CCDC171: variants seen among roughly 807,000 people sequenced by gnomAD.
The protein encoded by CCDC171 is coiled-coil domain containing 171, also known as coiled-coil domain-containing protein 171.
A neutral mutation model predicts 168.2 loss-of-function variants in CCDC171; 177 were observed. The ratio of observed to expected loss-of-function variants is 1.05; its 90% CI spans 0.93 to 1.19. The LOEUF (loss-of-function observed/expected upper bound fraction) is 1.19, where lower values mean the gene tolerates loss of function less well. Among genes scored for constraint, CCDC171 ranks in the 50% most tolerant of loss-of-function variants. The probability of loss-of-function intolerance (pLI) is 0.00; values close to 1 mark genes in which losing one functional copy is unlikely to be tolerated. For missense variants in CCDC171, 1,991 were observed against 1,539.0 expected, an observed-to-expected ratio of 1.29 and a Z score of -4.91; for synonymous variants, 687 against 540.8, an observed-to-expected ratio of 1.27 and a Z score of -3.75.
intron 9 of CCDC171, among the ~76,000 whole-genome samples, chr9:15,676,601 T>C (rs1167477902): frequency 1.3e-5 from 2 of 152,136 alleles, no homozygotes; most frequent in Non-Finnish European, 2.9e-5. Flanking sequence ...AACATCATCC[T>C]TGGAATTCCC....
the CCDC171 span, among the ~76,000 whole-genome samples, chr9:16,074,973 C>G: frequency 6.6e-6 from 1 of 152,168 alleles, no homozygotes; most frequent in Non-Finnish European, 1.5e-5. Flanking sequence ...AAACTGTTTT[C>G]TCTTCCTCCC....
intron 23 of CCDC171, among the ~76,000 whole-genome samples, chr9:15,872,707 C>G (rs1817317695): frequency 6.6e-6 from 1 of 151,638 alleles, no homozygotes; most frequent in African/African-American, 2.4e-5. Context: ...ATGAATTGGC[C>G]AGGGTGCAGT....
intron 25 of CCDC171, among the ~76,000 whole-genome samples, chr9:15,925,012 A>G (rs1825740373): frequency 1.3e-5 from 2 of 151,578 alleles, no homozygotes; most frequent in Admixed American, 1.3e-4. Context: ...CTATTAATTC[A>G]AAATTTATTA....
intron 1 of CCDC171, among the ~76,000 whole-genome samples, chr9:16,047,955 T>C (rs1310419035): frequency 6.6e-6 from 1 of 152,214 alleles, no homozygotes; most frequent in Non-Finnish European, 1.5e-5. Flanking sequence ...TGCTTCCTCA[T>C]CTGACACAGA....
At position 15,744,152 on chromosome 9, in the gene CCDC171, A is replaced by G. The variant is rs559457330; in HGVS notation, c.2050-121A>G. On this transcript the variant is annotated intron_variant, in intron 16 of 25. Coordinates refer to ENST00000380701, the MANE Select transcript of CCDC171 (RefSeq NM_173550.4). ...ATTTATATTTTGGATATTTTAGCACATGTATCTTTTAAAGAGGAAGAAGTG... is the reference window on the plus strand; with the variant it reads ...ATTTATATTTTGGATATTTTAGCACGTGTATCTTTTAAAGAGGAAGAAGTG... The G allele has an allele frequency of 3.8e-4, 293 of 763,136 alleles. 1 individual carries two copies. The highest frequency in any genetic ancestry group is 2.2e-3 in the East Asian group (82 of 36,940). 47.3% of individuals were successfully genotyped at this position (763,136 alleles called of 1,614,324 possible).
intron 24 of CCDC171, among the ~76,000 whole-genome samples, chr9:15,880,813 TA>T (rs1230421626): frequency 6.6e-6 from 1 of 152,114 alleles, no homozygotes; most frequent in African/African-American, 2.4e-5. Context: ...AAATATTAAA[TA>T]ATTTTTTAAT....
intron 21 of CCDC171, among the ~76,000 whole-genome samples, chr9:15,842,065 A>C (rs1256180145): frequency 7.7e-6 from 1 of 130,566 alleles, no homozygotes; most frequent in Non-Finnish European, 1.7e-5. Flanking sequence ...TTTTTCTTTA[A>C]ATGTTATCTT....
chr9:15,651,396 A>C (rs1587741719), intron 7 of CCDC171, among the ~76,000 whole-genome samples: 2 of 150,382 alleles, frequency 1.3e-5, no homozygotes, highest in South Asian at 4.2e-4. Context: ...GGCGTGAGCC[A>C]CCGTGCCTGG....
intron 3 of CCDC171, among the ~76,000 whole-genome samples, chr9:15,983,366 T>A (rs78569699): frequency 6.6e-6 from 1 of 152,152 alleles, no homozygotes; most frequent in Non-Finnish European, 1.5e-5. Context: ...TCTGTTTTTC[T>A]TTTTTTAAAA....
intron 3 of CCDC171, among the ~76,000 whole-genome samples, chr9:15,984,817 ATGGG>A (rs1831933197): frequency 6.6e-6 from 1 of 152,194 alleles, no homozygotes; most frequent in African/African-American, 2.4e-5. Context: ...CAGAGCAGAA[ATGGG>A]TCAATTCTTC....
chr9:15,566,481 G>A (rs1376499908), intron 2 of CCDC171, among the ~76,000 whole-genome samples: 1 of 152,190 alleles, frequency 6.6e-6, no homozygotes, highest in Non-Finnish European at 1.5e-5. Context: ...ATTGTTTGAA[G>A]CTGGGAGGCG....
chr9:15,903,357 C>T (rs934935624), intron 24 of CCDC171, among the ~76,000 whole-genome samples: 1 of 152,266 alleles, frequency 6.6e-6, no homozygotes, highest in South Asian at 2.1e-4. Flanking sequence ...GATCAGGCGG[C>T]AACCTTTGCT....
chr9:15,699,123 G>C (rs1019361054), intron 11 of CCDC171, among the ~76,000 whole-genome samples: 1 of 152,114 alleles, frequency 6.6e-6, no homozygotes, highest in African/African-American at 2.4e-5. Flanking sequence ...TCCAGAGTTT[G>C]TTCCTTCTGG....
intron 4 of CCDC171, among the ~76,000 whole-genome samples, chr9:15,582,928 T>C (rs1418211289): frequency 6.9e-6 from 1 of 144,058 alleles, no homozygotes; most frequent in Non-Finnish European, 1.5e-5. Context: ...ACTTAAAGTA[T>C]TAAAAAAAAA....
At chr9:15,824,883 A>G (rs146007839) in intron 21 of CCDC171, among the ~76,000 whole-genome samples, 1 of 152,126 alleles carries the variant, frequency 6.6e-6, no homozygotes, top group Non-Finnish European at 1.5e-5. Flanking sequence ...GTCATTATCT[A>G]CATGGCTTTA....
intron 24 of CCDC171, among the ~76,000 whole-genome samples, chr9:15,878,030 G>A (rs912164573): frequency 6.6e-6 from 1 of 152,020 alleles, no homozygotes; most frequent in Non-Finnish European, 1.5e-5. Flanking sequence ...AAAAACCCTG[G>A]AAGCCAACCT....
chr9:15,592,053 C>T (rs542623086), intron 5 of CCDC171, among the ~76,000 whole-genome samples: 15 of 151,642 alleles, frequency 9.9e-5, no homozygotes, highest in Non-Finnish European at 1.8e-4. Context: ...TCTCTTTTTA[C>T]TCCCTAAAGT....
chr9:15,749,035 A>C lies in CCDC171; in HGVS notation c.2671+3404A>C, dbSNP rs1381632610. On this transcript the variant is annotated intron_variant, in intron 18 of 25. Transcript: ENST00000380701. ...ATTCAGACTGGTAAATTGGATAAAGAGTCAAGACCCATTGGTGTGCTGTAT... is the reference window on the plus strand; with the variant it reads ...ATTCAGACTGGTAAATTGGATAAAGCGTCAAGACCCATTGGTGTGCTGTAT... Among the ~76,000 whole-genome samples, 3 of 152,262 alleles carry C rather than the reference A, an allele frequency of 2.0e-5. No individual in the cohort carries two copies. The South Asian group carries it at 6.2e-4, about 32-fold the overall frequency.
chr9:16,059,831 A>G (rs981846949), intron 1 of CCDC171, among the ~76,000 whole-genome samples: 1 of 150,746 alleles, frequency 6.6e-6, no homozygotes, highest in African/African-American at 2.4e-5. Context: ...TTTCTTTAAC[A>G]CACCCGACTT....
Sources: gnomAD v4.1 joint callset for allele counts (sites outside exome capture counted in the v4.1 genomes callset) on GRCh38, gnomAD v4.1.1 for gene constraint, MANE v1.5 for transcripts, NCBI Gene and HGNC (gene_info 2026-07-23, HGNC 2026-07-21) for gene names.